AP5B1: variants seen among roughly 807,000 people sequenced by gnomAD.
The protein encoded by AP5B1 is adaptor related protein complex 5 subunit beta 1.
Under a neutral mutation model 5.7 loss-of-function variants are expected in AP5B1, and 3 were observed. The observed-to-expected ratio is 0.53, with a 90% CI of 0.24 to 1.36. The LOEUF (loss-of-function observed/expected upper bound fraction) is 1.36. Among genes scored for constraint, AP5B1 ranks in the 40% most tolerant of loss-of-function variants. The probability of loss-of-function intolerance (pLI) is 0.17; values close to 1 mark genes in which losing one functional copy is unlikely to be tolerated. For missense variants in AP5B1, 1,310 were observed against 1,143.2 expected (o/e 1.15, Z -2.10); for synonymous variants, 696 against 555.5 (o/e 1.25, Z -3.56).
In AP5B1 at chr11:65,774,182, G is replaced by A. The variant is rs559005486; in HGVS notation, c.*3674C>T. Among the ~76,000 whole-genome samples, 8 of 152,270 alleles carry A rather than the reference G, an allele frequency of 5.3e-5. No individual in the cohort carries two copies. In the East Asian group the frequency reaches 1.3e-3, roughly 26 times the overall value. On this transcript the variant is annotated 3_prime_UTR_variant, in exon 2 of 2. Coordinates refer to ENST00000532090, the MANE Select transcript of AP5B1 (RefSeq NM_138368.5). ...TTTAAGTTTTTTCTGAGATTCCCTC[G>A]GCCACGAGGTGGCATCTGTTCAGTC...
Position 65,778,399 on chromosome 11 carries a change from A to G in AP5B1, c.2094T>C (p.Arg698=). ...GGGGTGCATACAGCTGTCCTTCCAC[A>G]CGGAAGCGCAGCTCCAGAGAGTAGA... ...EPIYSLELRF[R]VEGQLYAPLE... is the part of the protein sequence containing the mutation. Residue 698 remains arginine, a synonymous_variant, in exon 2 of 2, where the codon CGT becomes CGC. Coordinates refer to ENST00000532090, the MANE Select transcript of AP5B1 (RefSeq NM_138368.5). 1.3e-6 allele frequency: 2 copies of G among 1,594,702 alleles called. No homozygotes were observed. The highest frequency in any genetic ancestry group is 2.2e-5 in the South Asian group (2 of 89,580).
In AP5B1 at chr11:65,780,046, C is replaced by T; in HGVS notation, c.447G>A (p.Thr149=). Residue 149 remains threonine, a synonymous_variant, in exon 2 of 2, where the codon ACG becomes ACA. Transcript: ENST00000532090. The part of the protein sequence containing the change: ...PASEQRPLQA[T]ACECLRELES... ...CTAGCTCTCGCAGGCACTCGCAGGC[C>T]GTGGCCTGCAAGGGGCGCTGTTCCG... 1 of 1,552,780 alleles carries T rather than the reference C, an allele frequency of 6.4e-7. No individual in the cohort carries two copies. Among genetic ancestry groups the T allele is most frequent in the South Asian group, 1.2e-5 (1 of 84,786 alleles).
Position 65,774,542 on chromosome 11 carries a change from G to C in AP5B1, c.*3314C>G, listed in dbSNP as rs976918678. Reference sequence around the variant, plus strand: ...TTCTCCTGCCTCAGCCTCCTGAGTAGCTGGGATTATGAGCACGCCACCACA... The same window carrying C: ...TTCTCCTGCCTCAGCCTCCTGAGTACCTGGGATTATGAGCACGCCACCACA... On this transcript the variant is annotated 3_prime_UTR_variant, in exon 2 of 2. Coordinates refer to ENST00000532090, the MANE Select transcript of AP5B1 (RefSeq NM_138368.5). 1.3e-5 allele frequency among the ~76,000 whole-genome samples: 2 copies of C among 152,178 alleles called. No homozygotes were observed. Among genetic ancestry groups the C allele is most frequent in the Admixed American group, 1.3e-4 (2 of 15,278 alleles).
Position 65,779,809 on chromosome 11 carries a change from C to T in AP5B1, c.684G>A (p.Val228=). Residue 228 remains valine, a synonymous_variant, in exon 2 of 2, where the codon GTG becomes GTA. Coordinates refer to ENST00000532090, the MANE Select transcript of AP5B1 (RefSeq NM_138368.5). ...TGGGPWDWTL[V]EEGDGRLQPQ... ...GCTGAAGGCGTCCATCGCCCTCCTC[C>T]ACTAGTGTCCAATCCCAGGGACCAC... 1 of 1,587,962 alleles carries T rather than the reference C, an allele frequency of 6.3e-7. No homozygotes were observed. The highest frequency in any genetic ancestry group is 1.1e-5 in the South Asian group (1 of 87,332).
chr11:65,779,825 C>T lies in AP5B1; in HGVS notation c.668G>A (p.Trp223Ter). 1 of 1,589,742 alleles carries T rather than the reference C, an allele frequency of 6.3e-7. No individual in the cohort carries two copies. Residue 223 changes from tryptophan to a stop codon, truncating the protein, a stop_gained, in exon 2 of 2, where the codon TGG becomes TAG. Transcript: ENST00000532090. LOFTEE classifies it low-confidence loss of function (END_TRUNC). The stretch of plus-strand genomic sequence containing the variant: ...GCCCTCCTCCACTAGTGTCCAATCC[C>T]AGGGACCACCCCCAGTTGGGGAGAC... ...DKVSPTGGGP[W>*]DWTLVEEGDG...
At position 65,780,292 on chromosome 11, in the gene AP5B1, G is replaced by T; in HGVS notation, c.201C>A (p.Asp67Glu). 1 of 1,500,320 alleles carries T rather than the reference G, an allele frequency of 6.7e-7. No individual in the cohort carries two copies. The highest frequency in any genetic ancestry group is 8.8e-7 in the Non-Finnish European group (1 of 1,130,628). 92.9% of individuals were successfully genotyped at this position (1,500,320 alleles called of 1,614,324 possible). ...SMEYPAQLWP[D>E]ASAAEVAATS... ...TGGCGGCCACTTCGGCCGCAGAGGC[G>T]TCGGGCCACAGCTGCGCAGGGTACT... Residue 67 changes from aspartate to glutamate, a missense_variant, in exon 2 of 2, where the codon GAC becomes GAA. Physicochemically the swap from Asp to Glu is conservative, Grantham distance 45 (BLOSUM62 2). Coordinates refer to ENST00000532090, the MANE Select transcript of AP5B1 (RefSeq NM_138368.5).
chr11:65,780,817 A>T lies in AP5B1; in HGVS notation c.-226T>A. 1.0e-4 allele frequency: 32 copies of T among 308,840 alleles called. No individual in the cohort carries two copies. Among genetic ancestry groups the T allele is most frequent in the East Asian group, 1.0e-4 (2 of 19,082 alleles). The allele number at this position is 308,840 out of a possible 1,614,324, so 19.1% of individuals were successfully genotyped here. ...GGACAGGACAGGAGCAGGGCGGGGG[A>T]GGGTGCGTGCCGAGAGCTCGTTAGG... On this transcript the variant is annotated 5_prime_UTR_variant, in exon 1 of 2. Transcript: ENST00000532090.
Position 65,780,733 on chromosome 11 carries a change from C to T in AP5B1, c.-142G>A. 1 of 896,148 alleles carries T rather than the reference C, an allele frequency of 1.1e-6. No individual in the cohort carries two copies. Among genetic ancestry groups the T allele is most frequent in the Non-Finnish European group, 1.5e-6 (1 of 677,660 alleles). The allele number at this position is 896,148 out of a possible 1,614,324, so 55.5% of individuals were successfully genotyped here. A position where few individuals can be genotyped will look rare whatever the true frequency, so the allele number is the denominator to read the frequency against. On this transcript the variant is annotated 5_prime_UTR_variant, in exon 1 of 2. Coordinates refer to ENST00000532090, the MANE Select transcript of AP5B1 (RefSeq NM_138368.5). ...TGCCGGCGGGACCCGCGCCCGGCTC[C>T]CACGGTGAGACCAGGGCTCTCGGGG...
chr11:65,778,634 G>A lies in AP5B1; in HGVS notation c.1859C>T (p.Ala620Val), dbSNP rs896192862. ...CCCCAACTTGGGTGCTGCCAGGTGT[G>A]CCAGCAGGATGTAGTAGAGGCGGGC... is the stretch of plus-strand genomic sequence containing the variant. Reference protein sequence around the residue: ...DHARLYYILLAHLAAPKLGVA... With the variant: ...DHARLYYILLVHLAAPKLGVA... Residue 620 changes from alanine (A) to valine (V), a missense_variant, in exon 2 of 2, where the codon GCA becomes GTA. Ala to Val is a moderately conservative substitution (Grantham distance 64, BLOSUM62 0). Coordinates refer to ENST00000532090, the MANE Select transcript of AP5B1 (RefSeq NM_138368.5). The A allele has an allele frequency of 1.3e-6, 2 of 1,595,108 alleles. No homozygotes were observed. The highest frequency in any genetic ancestry group is 8.5e-7 in the Non-Finnish European group (1 of 1,172,684).
chr11:65,775,552 G>C lies in AP5B1; in HGVS notation c.*2304C>G, dbSNP rs1478907331. 6.6e-6 allele frequency among the ~76,000 whole-genome samples: 1 copy of C among 152,190 alleles called. No homozygotes were observed. Among genetic ancestry groups the C allele is most frequent in the Admixed American group, 6.5e-5 (1 of 15,290 alleles). On this transcript the variant is annotated 3_prime_UTR_variant, in exon 2 of 2. Coordinates refer to ENST00000532090, the MANE Select transcript of AP5B1 (RefSeq NM_138368.5). Reference sequence around the variant, plus strand: ...CACGCTTCTGGCTTTGTGGGTGTCAGGAGGCAGGAGTGGCAGTCCCACCCC... The same window carrying C: ...CACGCTTCTGGCTTTGTGGGTGTCACGAGGCAGGAGTGGCAGTCCCACCCC...
Position 65,777,792 on chromosome 11 carries a change from C to G in AP5B1, c.*64G>C. On this transcript the variant is annotated 3_prime_UTR_variant, in exon 2 of 2. Coordinates refer to ENST00000532090, the MANE Select transcript of AP5B1 (RefSeq NM_138368.5). ...GGAATGCAGGGTTTTGGCGACAGAG[C>G]TACAGGAGTGTGCCTTGGCCCCCAC... 6.9e-7 allele frequency: 1 copy of G among 1,441,158 alleles called. No individual in the cohort carries two copies. Among genetic ancestry groups the G allele is most frequent in the South Asian group, 1.5e-5 (1 of 68,668 alleles). The allele number at this position is 1,441,158 out of a possible 1,614,324, so 89.3% of individuals were successfully genotyped here.
At position 65,777,859 on chromosome 11, in the gene AP5B1, G is replaced by C. The variant is rs1395989215; in HGVS notation, c.2634C>G (p.Val878=). The C allele has an allele frequency of 6.6e-7, 1 of 1,522,790 alleles. No homozygotes were observed. Among genetic ancestry groups the C allele is most frequent in the South Asian group, 1.3e-5 (1 of 79,758 alleles). The allele number at this position is 1,522,790 out of a possible 1,614,324, so 94.3% of individuals were successfully genotyped here. A position where few individuals can be genotyped will look rare whatever the true frequency, so the allele number is the denominator to read the frequency against. The change falls in exon 2 of 2, where the codon GTC becomes GTG. Residue 878 remains valine, a synonymous_variant. Coordinates refer to ENST00000532090, the MANE Select transcript of AP5B1 (RefSeq NM_138368.5). ...CCCCCACCTGGTCTCCCGGGGCTCA[G>C]ACAGCAGCCGCCAGCCCACGGAGGT... The part of the protein sequence containing the change: ...GDYLRGLAAA[V]
rs1389138278 is a variant in AP5B1, at chr11:65,780,866, C to T, written c.-275G>A. Reference sequence around the variant, plus strand: ...GGCCGCCTCCCTCCCGCCCGCGGCCCGCACCGAAACCACAGCGCCACCCCG... The same window carrying T: ...GGCCGCCTCCCTCCCGCCCGCGGCCTGCACCGAAACCACAGCGCCACCCCG... On this transcript the variant is annotated 5_prime_UTR_variant, in exon 1 of 2. Coordinates refer to ENST00000532090, the MANE Select transcript of AP5B1 (RefSeq NM_138368.5). The T allele has an allele frequency of 1.1e-5, 3 of 271,472 alleles. No individual in the cohort carries two copies. The highest frequency in any genetic ancestry group is 2.2e-5 in the African/African-American group (1 of 44,860). 16.8% of individuals were successfully genotyped at this position (271,472 alleles called of 1,614,324 possible). A position where few individuals can be genotyped will look rare whatever the true frequency, so the allele number is the denominator to read the frequency against.
rs771109037 is a variant in AP5B1, at chr11:65,778,494, T to C, written c.1999A>G (p.Ser667Gly). 6.4e-7 allele frequency: 1 copy of C among 1,573,602 alleles called. No homozygotes were observed. The highest frequency in any genetic ancestry group is 8.6e-7 in the Non-Finnish European group (1 of 1,164,514). ...CCCTTGACCCGATGGGACCCCAGGC[T>C]CAGCCGTACCAGGGCCGGTGCCTCC... ...VQEAPALVRL[S>G]LGSHRVKGPL... The change falls in exon 2 of 2, where the codon AGC becomes GGC. Residue 667 changes from serine to glycine, a missense_variant. By Grantham distance (56) the Ser-to-Gly change is moderately conservative. Coordinates refer to ENST00000532090, the MANE Select transcript of AP5B1 (RefSeq NM_138368.5).
intron 1 of AP5B1, 40 bp from the exon 2 acceptor site, chr11:65,780,382 C>A (rs780571944): frequency 1.7e-5 from 25 of 1,462,728 alleles, no homozygotes; most frequent in Non-Finnish European, 2.0e-5. Flanking sequence ...AGATGAGGTT[C>A]ATGACGCGGC....
chr11:65,778,654 G>A lies in AP5B1; in HGVS notation c.1839C>T (p.Arg613=). The change falls in exon 2 of 2, where the codon CGC becomes CGT. Residue 613 remains arginine, a synonymous_variant. Transcript: ENST00000532090. The part of the protein sequence containing the change: ...LEDPDGRDHA[R]LYYILLAHLA... Reference sequence around the variant, plus strand: ...GGTGTGCCAGCAGGATGTAGTAGAGGCGGGCGTGGTCACGCCCATCAGGGT... The same window carrying A: ...GGTGTGCCAGCAGGATGTAGTAGAGACGGGCGTGGTCACGCCCATCAGGGT... 6.4e-7 allele frequency: 1 copy of A among 1,565,956 alleles called. No homozygotes were observed. The highest frequency in any genetic ancestry group is 8.6e-7 in the Non-Finnish European group (1 of 1,159,056).
rs1857843801 is a variant in AP5B1 at position 65,780,890 on chromosome 11, C to G, written c.-299G>C. On this transcript the variant is annotated 5_prime_UTR_variant, in exon 1 of 2. Transcript: ENST00000532090. ...CCGCACCGAAACCACAGCGCCACCC[C>G]GGCCCCCGGCGCCGGCGGTAACGGG... The G allele has an allele frequency of 4.7e-6, 1 of 211,206 alleles. No individual in the cohort carries two copies. The allele number at this position is 211,206 out of a possible 1,614,324, so 13.1% of individuals were successfully genotyped here. A position where few individuals can be genotyped will look rare whatever the true frequency, so the allele number is the denominator to read the frequency against.
rs1420947566 is a variant in AP5B1, at chr11:65,778,398, C to A, written c.2095G>T (p.Val699Leu). The change falls in exon 2 of 2, where the codon GTG becomes TTG. Residue 699 changes from valine (V) to leucine (L), a missense_variant. By Grantham distance (32) the Val-to-Leu change is conservative. Transcript: ENST00000532090. ...PIYSLELRFR[V>L]EGQLYAPLEA... is the part of the protein sequence containing the mutation. ...AGGGGTGCATACAGCTGTCCTTCCA[C>A]ACGGAAGCGCAGCTCCAGAGAGTAG... 1 of 1,594,592 alleles carries A rather than the reference C, an allele frequency of 6.3e-7. No homozygotes were observed. The highest frequency in any genetic ancestry group is 1.1e-5 in the South Asian group (1 of 89,572).
At position 65,778,302 on chromosome 11, in the gene AP5B1, G is replaced by A. The variant is rs750588075; in HGVS notation, c.2191C>T (p.Arg731Ter). Residue 731 changes from arginine to a stop codon, truncating the protein, a stop_gained, in exon 2 of 2, where the codon CGA (arginine) becomes TGA (stop). Transcript: ENST00000532090. LOFTEE classifies it low-confidence loss of function (END_TRUNC). ...TCCAGCCGTGCGGGGGCCGGGCATCGGGGCTGCAGAGGCAGGAGCAGAGGG... is the reference window on the plus strand; with the variant it reads ...TCCAGCCGTGCGGGGGCCGGGCATCAGGGCTGCAGAGGCAGGAGCAGAGGG... ...ARPLLLPLQP[R>*]CPAPARLDVH... The A allele has an allele frequency of 1.4e-5, 23 of 1,612,828 alleles. No individual in the cohort carries two copies. Among genetic ancestry groups the A allele is most frequent in the Middle Eastern group, 3.3e-4 (2 of 6,084 alleles).
Sources: gnomAD v4.1 joint callset for allele counts (sites outside exome capture counted in the v4.1 genomes callset) on GRCh38, gnomAD v4.1.1 for gene constraint, MANE v1.5 for transcripts, NCBI Gene and HGNC (gene_info 2026-07-23, HGNC 2026-07-21) for gene names.